Variants in PATJ observed in about 807,000 individuals in gnomAD.
PATJ encodes PATJ crumbs cell polarity complex component, also known as inaD-like protein.
PATJ carries 190 observed loss-of-function variants against 224.9 expected under a neutral mutation model. The observed-to-expected ratio is 0.84, with a 90% confidence interval of 0.75 to 0.95. PATJ has a LOEUF of 0.95. PATJ is among the 40% of genes least tolerant of loss of function. The probability of loss-of-function intolerance (pLI) is 0.00; values close to 1 mark genes in which losing one functional copy is unlikely to be tolerated. For synonymous variants in PATJ, 769 were observed against 820.3 expected (o/e 0.94, Z 1.07); for missense variants, 2,121 against 2,270.3 (o/e 0.93, Z 1.34).
intron 17 of PATJ, among the ~76,000 whole-genome samples, chr1:61,840,323 A>G (rs17371638): frequency 6.6e-6 from 1 of 152,144 alleles, no homozygotes; most frequent in South Asian, 2.1e-4. Flanking sequence ...AAAATAGGTA[A>G]TACATACATA....
chr1:61,784,712 ACAGAGG>A (rs1648125206), intron 7 of PATJ, among the ~76,000 whole-genome samples: 1 of 152,220 alleles, frequency 6.6e-6, no homozygotes, highest in Admixed American at 6.5e-5. Context: ...AGTTTGATTT[ACAGAGG>A]CAACTTTACC....
In PATJ at chr1:62,086,228, A is replaced by ATGTGTGTGTG. The variant is rs145837024; in HGVS notation, c.4377+1586_4377+1595dup. Reference sequence around the variant, plus strand: ...TACTCAAGATGTGATTAATTAATGCATGTGTGTGTGTGTGTATGTGTGTGT... The same window carrying ATGTGTGTGTG: ...TACTCAAGATGTGATTAATTAATGCATGTGTGTGTGTGTGTGTGTGTGTGTATGTGTGTGT... On this transcript the variant is annotated intron_variant, in intron 33 of 43. Transcript: ENST00000642238. The surrounding 1 kb of genome is among the most constrained non-coding windows in gnomAD (Gnocchi z 4.0). Among the ~76,000 whole-genome samples, 7 of 150,334 alleles carry ATGTGTGTGTG rather than the reference A, an allele frequency of 4.7e-5. No individual in the cohort carries two copies. In the East Asian group the frequency reaches 1.4e-3, roughly 29 times the overall value.
In PATJ at chr1:61,990,381, T is replaced by G; in HGVS notation, c.3867+17T>G. On this transcript the variant is annotated intron_variant, in intron 28 of 43. Transcript: ENST00000642238. ...CTCTTAGAGGTGAGAAGCATGTGTT[T>G]TTAACTTATCTTTTGGTGAAGTGGA... 1.3e-6 allele frequency: 2 copies of G among 1,585,850 alleles called. No homozygotes were observed. Among genetic ancestry groups the G allele is most frequent in the Non-Finnish European group, 1.7e-6 (2 of 1,164,356 alleles).
intron 22 of PATJ, among the ~76,000 whole-genome samples, chr1:61,887,700 CATG>C (rs1669080740): frequency 1.3e-5 from 2 of 151,908 alleles, no homozygotes; most frequent in South Asian, 4.2e-4. Flanking sequence ...TTCCATGCAG[CATG>C]ATGGATGATG....
At chr1:61,798,744 A>G (rs910469694) in intron 11 of PATJ, among the ~76,000 whole-genome samples, 20 of 149,732 alleles carry the variant, frequency 1.3e-4, no homozygotes, top group African/African-American at 4.8e-4. Context: ...ATTAAACATT[A>G]GCCGGGCCTG....
At chr1:62,125,236 C>CAAAAAAAAAAAAAAAAAAAAAAAAAA (rs761278812) in intron 39 of PATJ, among the ~76,000 whole-genome samples, 2 of 27,748 alleles carry the variant, frequency 7.2e-5, no homozygotes, top group Admixed American at 5.7e-4. Context: ...AACCCTGTCT[C>CAAAAAAAAAAAAAAAAAAAAAAAAAA]AAAAAAAAAA....
At chr1:61,939,346 G>C (rs868030535) in intron 27 of PATJ, among the ~76,000 whole-genome samples, 2 of 62,560 alleles carry the variant, frequency 3.2e-5, no homozygotes, top group African/African-American at 7.0e-5. Flanking sequence ...CACACACACA[G>C]TCAGAAGAAA....
rs202023816 is a variant in PATJ at position 61,760,152 on chromosome 1, G to C, written c.-35-2706G>C. On this transcript the variant is annotated intron_variant, in intron 1 of 43. Transcript: ENST00000642238. ...GTTACCTGTCACTGGGTAGTTGTAA[G>C]AGTTGTACAGTTGAGATGCTGAGCA... is the stretch of plus-strand genomic sequence containing the variant. Among the ~76,000 whole-genome samples the C allele has an allele frequency of 1.2e-4, 18 of 152,314 alleles. No individual in the cohort carries two copies. The East Asian group carries it at 1.5e-3, about 13-fold the overall frequency.
chr1:61,791,300 CA>C, intron 8 of PATJ, 47 bp from the exon 9 acceptor site: 1 of 1,069,582 alleles, frequency 9.3e-7, no homozygotes. Context: ...TATGTACACA[CA>C]GGTATGCCAC....
intron 14 of PATJ, among the ~76,000 whole-genome samples, chr1:61,814,607 A>T (rs994443354): frequency 6.6e-6 from 1 of 151,678 alleles, no homozygotes; most frequent in Non-Finnish European, 1.5e-5. Context: ...ATGTAACATT[A>T]TCATATATTT....
chr1:62,092,559 G>A (rs1660887391), intron 33 of PATJ, among the ~76,000 whole-genome samples: 4 of 151,298 alleles, frequency 2.6e-5, no homozygotes. Flanking sequence ...GGGATTGCAG[G>A]CACCCACCAC....
In PATJ at chr1:61,791,404, T is replaced by TC; in HGVS notation, c.1126dup (p.Leu376ProfsTer4). The TC allele has an allele frequency of 6.2e-7, 1 of 1,612,066 alleles. No homozygotes were observed. The highest frequency in any genetic ancestry group is 8.5e-7 in the Non-Finnish European group (1 of 1,178,342). On this transcript the variant is annotated frameshift_variant, in exon 9 of 44. Transcript: ENST00000642238. LOFTEE classifies it high-confidence loss of function. Reference sequence around the variant, plus strand: ...AGCTTGTGAGAAAAGATGGGCAGAGTCTTGGAATTAGAATTGTTGGCTATG... The same window carrying TC: ...AGCTTGTGAGAAAAGATGGGCAGAGTCCTTGGAATTAGAATTGTTGGCTATG...
Position 61,766,258 on chromosome 1 carries a change from CTT to C in PATJ, c.190-13_190-12del. 8.0e-7 allele frequency: 1 copy of C among 1,252,898 alleles called. No individual in the cohort carries two copies. The allele number at this position is 1,252,898 out of a possible 1,614,324, so 77.6% of individuals were successfully genotyped here. ...ATTTTTCTATAGATTTCTGTTGATT[CTT>C]TTTTTTTCTCTCCAACAGCTCAACC... is the stretch of plus-strand genomic sequence containing the variant. On this transcript the variant is annotated intron_variant, in intron 3 of 43. Coordinates refer to ENST00000642238, the MANE Select transcript of PATJ (RefSeq NM_001350145.3).
At chr1:61,743,550 G>A (rs1234820443) in intron 1 of PATJ, among the ~76,000 whole-genome samples, 2 of 152,206 alleles carry the variant, frequency 1.3e-5, no homozygotes, top group Non-Finnish European at 2.9e-5. Flanking sequence ...AAACCCAGAA[G>A]GACAATGTCG....
At chr1:62,049,211 G>A (rs1226861896) in intron 30 of PATJ, among the ~76,000 whole-genome samples, 3 of 144,282 alleles carry the variant, frequency 2.1e-5, no homozygotes, top group African/African-American at 7.8e-5. Context: ...AAAATTACCC[G>A]TTCCCCAATT....
chr1:61,961,601 G>T (rs1191228393), intron 27 of PATJ, among the ~76,000 whole-genome samples: 1 of 152,176 alleles, frequency 6.6e-6, no homozygotes, highest in Non-Finnish European at 1.5e-5. Flanking sequence ...CCTGCTGACT[G>T]CAGGATCAAT....
intron 14 of PATJ, among the ~76,000 whole-genome samples, chr1:61,810,470 G>T (rs370519156): frequency 6.6e-6 from 1 of 151,876 alleles, no homozygotes; most frequent in African/African-American, 2.4e-5. Flanking sequence ...AGGCCGAGGC[G>T]GGCAGATCAT....
intron 30 of PATJ, among the ~76,000 whole-genome samples, chr1:62,040,937 T>C (rs1350796674): frequency 1.3e-5 from 2 of 152,232 alleles, no homozygotes; most frequent in African/African-American, 4.8e-5. Flanking sequence ...AGAAGTTTAA[T>C]GACATATGTG....
chr1:61,873,833 G>A (rs1040094510), intron 20 of PATJ, among the ~76,000 whole-genome samples: 7 of 152,206 alleles, frequency 4.6e-5, no homozygotes, highest in African/African-American at 1.7e-4. Context: ...GGGGGGAATG[G>A]GGTGGAGCCA....
Sources: allele counts gnomAD v4.1 joint callset (sites outside exome capture counted in the v4.1 genomes callset), GRCh38; gene constraint gnomAD v4.1.1; non-coding constraint Gnocchi (gnomAD v3.1); transcripts MANE v1.5; gene names NCBI Gene and HGNC (gene_info 2026-07-23, HGNC 2026-07-21).